The following ERC2 variants were observed in gnomAD, a reference collection of about 807,000 sequenced individuals.
ERC2 encodes ERC protein 2.
In ERC2, 42 loss-of-function variants were observed where a neutral mutation model predicts 114.8. That is an observed-to-expected ratio of 0.37 (90% CI 0.29 to 0.47). The LOEUF (loss-of-function observed/expected upper bound fraction) is 0.47, where lower values mean the gene tolerates loss of function less well. Ranked by LOEUF, ERC2 falls within the 20% of genes least tolerant of loss-of-function variation. ERC2 has a pLI of 0.99. For missense variants in ERC2, 939 were observed against 1,150.7 expected (o/e 0.82, Z 2.66); for synonymous variants, 454 against 425.5 (o/e 1.07, Z -0.82).
At chr3:56,354,720 G>A (rs545641011) in intron 2 of ERC2, among the ~76,000 whole-genome samples, 63 of 152,220 alleles carry the variant, frequency 4.1e-4, no homozygotes, top group African/African-American at 1.3e-3. Flanking sequence ...TCCCAAACAC[G>A]GGAAGTGTCC....
Position 55,968,958 on chromosome 3 carries a change from G to A in ERC2, c.2267+17019C>T, listed in dbSNP as rs117483694. ...CTACATAAAGGGGTCTATTCTACTC[G>A]GAATCCAGGCAGCCACTGAGAGGTG... On this transcript the variant is annotated intron_variant, in intron 12 of 17. Transcript: ENST00000288221. 2.5e-3 allele frequency among the ~76,000 whole-genome samples: 379 copies of A among 151,866 alleles called. 10 individuals carry two copies. In the East Asian group the frequency reaches 0.065, roughly 26 times the overall value.
intron 3 of ERC2, among the ~76,000 whole-genome samples, chr3:56,176,243 T>C (rs1357256165): frequency 6.6e-6 from 1 of 152,186 alleles, no homozygotes; most frequent in African/African-American, 2.4e-5. Context: ...TAACCAATCC[T>C]AGTTCCAGAA....
At chr3:55,897,038 C>T (rs1403667373) in intron 13 of ERC2, among the ~76,000 whole-genome samples, 7 of 152,234 alleles carry the variant, frequency 4.6e-5, no homozygotes, top group African/African-American at 7.2e-5. Flanking sequence ...CCAGTGTTTA[C>T]GCATGGCTCT....
chr3:56,460,964 C>CAAAA (rs35313545), intron 1 of ERC2, among the ~76,000 whole-genome samples: 1 of 98,190 alleles, frequency 1.0e-5, no homozygotes, highest in Non-Finnish European at 1.9e-5. Context: ...ACTAAAAATA[C>CAAAA]AAAAAAAAAA....
chr3:56,128,005 G>T (rs2079978461), intron 6 of ERC2, among the ~76,000 whole-genome samples: 1 of 152,016 alleles, frequency 6.6e-6, no homozygotes, highest in Non-Finnish European at 1.5e-5. Flanking sequence ...AATCCCCGGA[G>T]GCGGAGGTTG....
intron 6 of ERC2, 28 bp from the exon 7 acceptor site, chr3:56,081,012 G>A: frequency 6.2e-7 from 1 of 1,606,784 alleles, no homozygotes; most frequent in African/African-American, 1.3e-5. Context: ...ACAGAAGGTT[G>A]TGGTTTTACA....
chr3:56,089,492 A>G (rs1015697533), intron 6 of ERC2, among the ~76,000 whole-genome samples: 1 of 152,176 alleles, frequency 6.6e-6, no homozygotes, highest in Non-Finnish European at 1.5e-5. Context: ...TAAAATATTT[A>G]ATCTATTATA....
chr3:56,274,868 T>C (rs2053894561), intron 3 of ERC2, among the ~76,000 whole-genome samples: 1 of 152,250 alleles, frequency 6.6e-6, no homozygotes, highest in South Asian at 2.1e-4. Flanking sequence ...AATCTGTTTA[T>C]TCCCAAGGCA....
chr3:56,172,165 A>C (rs1400119952), intron 4 of ERC2, among the ~76,000 whole-genome samples: 2 of 151,992 alleles, frequency 1.3e-5, no homozygotes, highest in Non-Finnish European at 2.9e-5. Flanking sequence ...AAAATGTTTA[A>C]ATTATATAAG....
chr3:56,023,976 T>C (rs2222248), intron 7 of ERC2, among the ~76,000 whole-genome samples: 51,374 of 152,100 alleles, frequency 0.34, 9,499 homozygotes, highest in East Asian at 0.55. Flanking sequence ...TTAGGCATCG[T>C]TACAGTTTCA....
chr3:56,119,964 A>C (rs933545578), intron 6 of ERC2, among the ~76,000 whole-genome samples: 1 of 152,220 alleles, frequency 6.6e-6, no homozygotes, highest in Non-Finnish European at 1.5e-5. Flanking sequence ...CCATCTTAGC[A>C]AAAAGGTAGA....
In ERC2 at chr3:56,010,459, G is replaced by C; in HGVS notation, c.1910C>G (p.Thr637Ser). ...TTTTTCCAGACTCACCTCTTTCTCAGTCAGTTCAGCCTGTAAAGCATTGAC... is the reference window on the plus strand; with the variant it reads ...TTTTTCCAGACTCACCTCTTTCTCACTCAGTTCAGCCTGTAAAGCATTGAC... ...EKVNALQAELTEKESSLIDLK... is the reference protein window; with the variant it reads ...EKVNALQAELSEKESSLIDLK... The change falls in exon 9 of 18, where the codon ACT becomes AGT. Residue 637 changes from threonine to serine, a missense_variant. Thr to Ser is a moderately conservative substitution (Grantham distance 58). This residue lies in a region of ERC2 where 149 missense variants were observed against 254.6 expected (regional missense o/e 0.59). Transcript: ENST00000288221. The C allele has an allele frequency of 6.2e-7, 1 of 1,612,976 alleles. No homozygotes were observed. Among genetic ancestry groups the C allele is most frequent in the Non-Finnish European group, 8.5e-7 (1 of 1,179,504 alleles).
At chr3:56,128,438 C>T (rs1009677362) in intron 6 of ERC2, among the ~76,000 whole-genome samples, 1 of 152,188 alleles carries the variant, frequency 6.6e-6, no homozygotes, top group African/African-American at 2.4e-5. Flanking sequence ...AAAATGATCA[C>T]CTAATACACA....
intron 7 of ERC2, among the ~76,000 whole-genome samples, chr3:56,054,330 G>T (rs2075906843): frequency 6.6e-6 from 1 of 152,190 alleles, no homozygotes; most frequent in Non-Finnish European, 1.5e-5. Context: ...GGGAGATTTA[G>T]TTCAAGGGTT....
At chr3:56,396,512 T>C (rs2060311579) in intron 2 of ERC2, among the ~76,000 whole-genome samples, 1 of 152,118 alleles carries the variant, frequency 6.6e-6, no homozygotes, top group South Asian at 2.1e-4. Flanking sequence ...GTGGCCAAGA[T>C]GTATTGTTCA....
intron 17 of ERC2, among the ~76,000 whole-genome samples, chr3:55,553,656 G>A (rs911745159): frequency 7.9e-5 from 12 of 151,894 alleles, no homozygotes; most frequent in African/African-American, 2.7e-4. Context: ...GGCGGGCACC[G>A]GTAGTCCCAG....
chr3:55,874,733 G>A (rs2062744106), intron 14 of ERC2, among the ~76,000 whole-genome samples: 1 of 152,066 alleles, frequency 6.6e-6, no homozygotes, highest in South Asian at 2.1e-4. Context: ...GTAGGGGTGG[G>A]CAGGGTTAAT....
At chr3:56,020,723 T>G (rs957161758) in intron 7 of ERC2, among the ~76,000 whole-genome samples, 1 of 152,158 alleles carries the variant, frequency 6.6e-6, no homozygotes, top group African/African-American at 2.4e-5. Context: ...CTGAATACAC[T>G]GATTAGACCC....
chr3:55,840,489 G>A (rs2061084958), intron 14 of ERC2, among the ~76,000 whole-genome samples: 1 of 151,636 alleles, frequency 6.6e-6, no homozygotes, highest in Non-Finnish European at 1.5e-5. Flanking sequence ...ACCAAGTGTT[G>A]GTTAAGATTT....
Sources: gnomAD v4.1 joint callset for allele counts (sites outside exome capture counted in the v4.1 genomes callset) on GRCh38, gnomAD v4.1.1 for gene constraint, gnomAD v4.1.1 regional missense constraint, MANE v1.5 for transcripts, NCBI Gene and HGNC (gene_info 2026-07-23, HGNC 2026-07-21) for gene names.